LENG8: variants seen among roughly 807,000 people sequenced by gnomAD.
LENG8 encodes the protein leukocyte receptor cluster (LRC) member 8.
LENG8 carries 28 observed loss-of-function variants against 102.1 expected under a neutral mutation model. The observed-to-expected ratio is 0.27, with a 90% CI of 0.20 to 0.38. LENG8 has a LOEUF of 0.38. LENG8 is among the 10% of genes least tolerant of loss of function. The probability of loss-of-function intolerance (pLI) is 1.00; values close to 1 mark genes in which losing one functional copy is unlikely to be tolerated. For missense variants in LENG8, 1,022 were observed against 1,113.9 expected, an observed-to-expected ratio of 0.92 and a Z score of 1.17; for synonymous variants, 531 against 456.7, an observed-to-expected ratio of 1.16 and a Z score of -2.07.
chr19:54,454,434 C>G lies in LENG8; in HGVS notation c.431C>G (p.Pro144Arg). The G allele has an allele frequency of 6.2e-7, 1 of 1,604,304 alleles. No homozygotes were observed. Among genetic ancestry groups the G allele is most frequent in the Non-Finnish European group, 8.5e-7 (1 of 1,174,532 alleles). ...PQHQGTLNQPPVPGMDESMSY... is the reference protein window; with the variant it reads ...PQHQGTLNQPRVPGMDESMSY... ...AGCGCCTGCTTCCTTCTGCAGCCCCCAGTCCCCGGCATGGATGAGAGCATG... is the reference window on the plus strand; with the variant it reads ...AGCGCCTGCTTCCTTCTGCAGCCCCGAGTCCCCGGCATGGATGAGAGCATG... Residue 144 changes from proline to arginine, a missense_variant, in exon 6 of 16, where the codon CCA (proline) becomes CGA (arginine). Pro to Arg is a moderately radical substitution (Grantham distance 103). Around this residue, in one of 7 missense-constraint regions of LENG8, gnomAD observed 343 missense variants for 320.2 expected, o/e 1.07. Coordinates refer to ENST00000326764, the MANE Select transcript of LENG8 (RefSeq NM_052925.4).
At position 54,456,412 on chromosome 19, in the gene LENG8, C is replaced by T. The variant is rs756247660; in HGVS notation, c.1392C>T (p.Gly464=). The change falls in exon 10 of 16, where the codon GGC becomes GGT. Residue 464 remains glycine, a synonymous_variant. Coordinates refer to ENST00000326764, the MANE Select transcript of LENG8 (RefSeq NM_052925.4). The part of the protein sequence containing the change: ...GRRNPPPKGR[G]GRGAHMDRGR... ...GGAACCCGCCCCCTAAGGGCCGGGG[C>T]GGTCGAGGGGCCCATATGGATCGGG... 184 of 1,610,144 alleles carry T rather than the reference C, an allele frequency of 1.1e-4. No individual in the cohort carries two copies. Among genetic ancestry groups the T allele is most frequent in the Non-Finnish European group, 1.4e-4 (163 of 1,179,788 alleles).
At chr19:54,453,768 A>G (rs2084080541) in intron 5 of LENG8, 112 bp downstream of exon 5, 6 of 728,882 alleles carry the variant, frequency 8.2e-6, no homozygotes, top group Middle Eastern at 2.4e-4. Context: ...TTTTCCTTCC[A>G]AGCAACTCCT....
Position 54,457,761 on chromosome 19 carries a change from G to T in LENG8, c.1746G>T (p.Ser582=), listed in dbSNP as rs770140738. The change falls in exon 12 of 16, where the codon TCG becomes TCT. Residue 582 remains serine (S), a synonymous_variant. Coordinates refer to ENST00000326764, the MANE Select transcript of LENG8 (RefSeq NM_052925.4). ...CCCTTTTTCAGGTTTTGAAAAAGTC[G>T]CTGTGCATGGTCAAGTGCCACTGGA... ...TVRPVAVLKK[S]LCMVKCHWKE... is the part of the protein sequence containing the mutation. The T allele has an allele frequency of 1.9e-6, 3 of 1,613,778 alleles. No individual in the cohort carries two copies. The highest frequency in any genetic ancestry group is 1.7e-6 in the Non-Finnish European group (2 of 1,179,704).
chr19:54,458,248 C>T lies in LENG8; in HGVS notation c.2032+16C>T. 1 of 1,614,104 alleles carries T rather than the reference C, an allele frequency of 6.2e-7. No homozygotes were observed. The highest frequency in any genetic ancestry group is 1.3e-5 in the African/African-American group (1 of 75,070). On this transcript the variant is annotated intron_variant, in intron 14 of 15. Transcript: ENST00000326764. ...AACTCGGGAGGTGAGGCCCAGTCCCCAGGACAGAGGCCATGGTACCCAGGG... is the reference window on the plus strand; with the variant it reads ...AACTCGGGAGGTGAGGCCCAGTCCCTAGGACAGAGGCCATGGTACCCAGGG...
At chr19:54,455,342 C>G (rs1232079090) in intron 7 of LENG8, 22 bp from the exon 8 acceptor site, 1 of 1,611,414 alleles carries the variant, frequency 6.2e-7, no homozygotes, top group Non-Finnish European at 8.5e-7. Flanking sequence ...TCCAGCTGAG[C>G]CCCTCATCTG....
chr19:54,454,907 T>C (rs1366743358), intron 6 of LENG8, 44 bp from the exon 7 acceptor site: 1 of 1,612,568 alleles, frequency 6.2e-7, no homozygotes, highest in Non-Finnish European at 8.5e-7. Context: ...GACCCCTGGA[T>C]GTGCCGGGGA....
intron 15 of LENG8, 175 bp downstream of exon 15, chr19:54,458,696 C>T (rs1167776207): frequency 6.4e-7 from 1 of 1,551,504 alleles, no homozygotes; most frequent in Non-Finnish European, 8.7e-7. Context: ...CTCTTGCTCT[C>T]CTTGTTGGTC....
chr19:54,454,881 C>A (rs375387949), intron 6 of LENG8, 70 bp from the exon 7 acceptor site: 16 of 1,591,920 alleles, frequency 1.0e-5, no homozygotes, highest in African/African-American at 8.1e-5. Flanking sequence ...ATTTCCACTT[C>A]CTCCCGTCCC....
At chr19:54,455,784 T>C (rs994387067) in intron 8 of LENG8, among the ~76,000 whole-genome samples, 183 bp from the exon 9 acceptor site, 1 of 152,052 alleles carries the variant, frequency 6.6e-6, no homozygotes, top group African/African-American at 2.4e-5. Flanking sequence ...GCTCAGTGGT[T>C]AAGCGCACCC....
chr19:54,455,819 G>A (rs138236359), intron 8 of LENG8, 148 bp from the exon 9 acceptor site: 13 of 885,688 alleles, frequency 1.5e-5, no homozygotes, highest in African/African-American at 1.0e-4. Flanking sequence ...ACCTGGGTTC[G>A]CGTCTCATTT....
At position 54,460,249 on chromosome 19, in the gene LENG8, C is replaced by T. The variant is rs377107146; in HGVS notation, c.2241-517C>T. 104 of 1,281,534 alleles carry T rather than the reference C, an allele frequency of 8.1e-5. No homozygotes were observed. In the African/African-American group the frequency reaches 1.6e-3, roughly 19 times the overall value. The allele number at this position is 1,281,534 out of a possible 1,614,324, so 79.4% of individuals were successfully genotyped here. A position where few individuals can be genotyped will look rare whatever the true frequency, so the allele number is the denominator to read the frequency against. On this transcript the variant is annotated intron_variant, in intron 15 of 15. Transcript: ENST00000326764. ...AAGAGGGTTCAGGGAGCTCTGAGGA[C>T]CTGGCTCGTGCTAGATGCTCAGTCA...
At chr19:54,451,407 G>A (rs756269888) in intron 2 of LENG8, 25 bp downstream of exon 2, 2 of 1,613,128 alleles carry the variant, frequency 1.2e-6, no homozygotes, top group East Asian at 4.5e-5. Context: ...AGGGATGGAG[G>A]CCAGTCGGGA....
intron 2 of LENG8, 82 bp from the exon 3 acceptor site, chr19:54,452,011 G>A: frequency 7.5e-7 from 1 of 1,327,272 alleles, no homozygotes; most frequent in Non-Finnish European, 1.1e-6. Context: ...ATGGGATCCA[G>A]GGGCTGGAAT....
intron 7 of LENG8, 84 bp downstream of exon 7, chr19:54,455,176 C>T (rs2084162385): frequency 6.4e-7 from 1 of 1,571,850 alleles, no homozygotes; most frequent in Non-Finnish European, 8.7e-7. Context: ...AGCTGCCCAC[C>T]CTGAGCCTCA....
In LENG8 at chr19:54,458,811, C is replaced by T. The variant is rs145230047; in HGVS notation, c.2240+290C>T. 2.7e-5 allele frequency: 42 copies of T among 1,551,114 alleles called. 1 individual carries two copies. The South Asian group carries it at 4.6e-4, about 17-fold the overall frequency. On this transcript the variant is annotated intron_variant, in intron 15 of 15. Transcript: ENST00000326764. ...TCTGTGTGTCTCTTCCTCCTGTTCTCTCCTGCCTGGACCCCCTAGTTCACT... is the reference window on the plus strand; with the variant it reads ...TCTGTGTGTCTCTTCCTCCTGTTCTTTCCTGCCTGGACCCCCTAGTTCACT...
intron 15 of LENG8, 81 bp from the exon 16 acceptor site, chr19:54,460,685 T>TG (rs1298993996): frequency 1.2e-5 from 17 of 1,444,680 alleles, no homozygotes; most frequent in Middle Eastern, 2.5e-4. Flanking sequence ...GGCACCCGAA[T>TG]GGGGGGGCCT....
intron 15 of LENG8, chr19:54,460,101 T>C (rs1445641444): frequency 1.1e-5 from 14 of 1,289,664 alleles, no homozygotes; most frequent in Non-Finnish European, 1.4e-5. Context: ...CGGAGTGGGC[T>C]CTGATCCCAG....
Position 54,458,432 on chromosome 19 carries a change from C to A in LENG8, c.2151C>A (p.Leu717=). Residue 717 remains leucine (L), a synonymous_variant, in exon 15 of 16, where the codon CTC becomes CTA. Transcript: ENST00000326764. The part of the protein sequence containing the change: ...ALGNYHRFFR[L]YCHAPCMSGY... ...GCAACTACCACCGCTTTTTCCGGCT[C>A]TACTGCCATGCACCCTGCATGTCTG... 1 of 1,614,286 alleles carries A rather than the reference C, an allele frequency of 6.2e-7. No individual in the cohort carries two copies. The highest frequency in any genetic ancestry group is 8.5e-7 in the Non-Finnish European group (1 of 1,180,054).
Position 54,460,784 on chromosome 19 carries a change from A to T in LENG8, c.2259A>T (p.Pro753=). ...AMIKTFRPAL[P]VSYLQAELAF... ...TCCATAGCTTCCGCCCTGCGCTGCC[A>T]GTCTCCTACCTGCAGGCCGAGCTGG... Residue 753 remains proline (P), a synonymous_variant, in exon 16 of 16, where the codon CCA becomes CCT. Transcript: ENST00000326764. 1 of 1,317,558 alleles carries T rather than the reference A, an allele frequency of 7.6e-7. No individual in the cohort carries two copies. Among genetic ancestry groups the T allele is most frequent in the East Asian group, 5.2e-5 (1 of 19,176 alleles). The allele number at this position is 1,317,558 out of a possible 1,614,324, so 81.6% of individuals were successfully genotyped here. A position where few individuals can be genotyped will look rare whatever the true frequency, so the allele number is the denominator to read the frequency against.
Sources: gnomAD v4.1 joint callset for allele counts (sites outside exome capture counted in the v4.1 genomes callset) on GRCh38, gnomAD v4.1.1 for gene constraint, gnomAD v4.1.1 regional missense constraint, MANE v1.5 for transcripts, NCBI Gene and HGNC (gene_info 2026-07-23, HGNC 2026-07-21) for gene names.